Variants in ASTN1 observed in about 807,000 individuals in gnomAD.
ASTN1 encodes astrotactin-1.
A neutral mutation model predicts 140.7 loss-of-function variants in ASTN1; 41 were observed. The observed-to-expected ratio is 0.29, with a 90% CI of 0.23 to 0.38. The LOEUF (loss-of-function observed/expected upper bound fraction) is 0.38. Among genes scored for constraint, ASTN1 ranks in the 10% least tolerant of loss-of-function variants. ASTN1 has a pLI of 1.00. For missense variants in ASTN1, 1,479 were observed against 1,678.8 expected (o/e 0.88, Z 2.08); for synonymous variants, 640 against 652.2 (o/e 0.98, Z 0.29).
chr1:177,011,750 C>T (rs775651446), intron 8 of ASTN1, among the ~76,000 whole-genome samples: 1 of 151,964 alleles, frequency 6.6e-6, no homozygotes, highest in African/African-American at 2.4e-5. Context: ...CACAAACACA[C>T]ACACATGCAC....
chr1:177,052,110 A>C (rs1399405146), intron 2 of ASTN1, among the ~76,000 whole-genome samples: 1 of 152,188 alleles, frequency 6.6e-6, no homozygotes, highest in Non-Finnish European at 1.5e-5. Flanking sequence ...CTGAATGGAC[A>C]TGACTGCATC....
At chr1:176,980,574 G>A (rs1164991330) in intron 8 of ASTN1, among the ~76,000 whole-genome samples, 1 of 152,066 alleles carries the variant, frequency 6.6e-6, no homozygotes, top group African/African-American at 2.4e-5. Flanking sequence ...AAAGGGACAG[G>A]GATTTCGAGG....
chr1:176,896,385 C>T (rs988600912), intron 16 of ASTN1, among the ~76,000 whole-genome samples: 10 of 152,144 alleles, frequency 6.6e-5, no homozygotes, highest in Non-Finnish European at 1.3e-4. Flanking sequence ...ATAGAACTAG[C>T]CCTCAAATCA....
chr1:177,158,754 G>A (rs1028563662), intron 1 of ASTN1, among the ~76,000 whole-genome samples: 14 of 151,310 alleles, frequency 9.3e-5, no homozygotes, highest in African/African-American at 3.4e-4. Context: ...TGCTTCCTAA[G>A]ATGAATAAAG....
chr1:176,893,589 G>C (rs902424960), intron 17 of ASTN1, among the ~76,000 whole-genome samples: 11 of 152,116 alleles, frequency 7.2e-5, no homozygotes, highest in Non-Finnish European at 1.5e-4. Context: ...TGTTGGTCTG[G>C]GCATTACCTA....
At chr1:176,968,703 A>G (rs1672998961) in intron 8 of ASTN1, among the ~76,000 whole-genome samples, 2 of 152,218 alleles carry the variant, frequency 1.3e-5, no homozygotes, top group African/African-American at 4.8e-5. Flanking sequence ...TATTTAGCAA[A>G]TATTTGTGGA....
At chr1:177,042,717 A>G (rs1256236085) in intron 2 of ASTN1, among the ~76,000 whole-genome samples, 1 of 152,258 alleles carries the variant, frequency 6.6e-6, no homozygotes, top group Non-Finnish European at 1.5e-5. Flanking sequence ...ATCCAAGTTT[A>G]CATAGTAGTA....
chr1:176,925,057 C>T (rs1670896795), intron 16 of ASTN1, among the ~76,000 whole-genome samples: 1 of 152,188 alleles, frequency 6.6e-6, no homozygotes, highest in Non-Finnish European at 1.5e-5. Context: ...CCAATTCCTT[C>T]CAGTGCCTGA....
At chr1:176,998,765 C>T (rs928967526) in intron 8 of ASTN1, among the ~76,000 whole-genome samples, 1 of 152,204 alleles carries the variant, frequency 6.6e-6, no homozygotes, top group African/African-American at 2.4e-5. Context: ...GGCCTCTTGT[C>T]ACCCACAAAA....
At chr1:176,945,680 A>T (rs1671923649) in intron 13 of ASTN1, among the ~76,000 whole-genome samples, 2 of 152,226 alleles carry the variant, frequency 1.3e-5, no homozygotes, top group South Asian at 4.1e-4. Context: ...AAAATCTTCC[A>T]GTCCCTGCCT....
chr1:176,946,948 G>A (rs1399105421), intron 12 of ASTN1, among the ~76,000 whole-genome samples: 2 of 152,164 alleles, frequency 1.3e-5, no homozygotes, highest in Non-Finnish European at 2.9e-5. Context: ...AAAGAATATT[G>A]ATTTAATCTG....
intron 5 of ASTN1, among the ~76,000 whole-genome samples, chr1:177,026,625 C>T (rs951438457): frequency 1.3e-5 from 2 of 152,116 alleles, no homozygotes; most frequent in Admixed American, 1.3e-4. Flanking sequence ...ACATTCCCAC[C>T]GCAGTGTACA....
rs547719635 is a variant in ASTN1 at position 177,038,431 on chromosome 1, T to A, written c.472-5582A>T. ...TGGCATAAAGCAGATGGTCAATAAT[T>A]GTGGGACAGAGGAAGGAAGGGAGAG... is the stretch of plus-strand genomic sequence containing the variant. On this transcript the variant is annotated intron_variant, in intron 2 of 22. Transcript: ENST00000361833. 4.0e-5 allele frequency among the ~76,000 whole-genome samples: 6 copies of A among 151,488 alleles called. No individual in the cohort carries two copies. In the East Asian group the frequency reaches 1.2e-3, roughly 29 times the overall value.
chr1:177,006,112 C>T (rs1674980768), intron 8 of ASTN1, among the ~76,000 whole-genome samples: 1 of 152,102 alleles, frequency 6.6e-6, no homozygotes, highest in South Asian at 2.1e-4. Context: ...TGTCTTCTTT[C>T]CTCTAAAAAT....
Position 176,863,568 on chromosome 1 carries a change from T to C in ASTN1, c.*716A>G, listed in dbSNP as rs910407952. On this transcript the variant is annotated 3_prime_UTR_variant, in exon 23 of 23. Transcript: ENST00000361833. The stretch of plus-strand genomic sequence containing the variant: ...GCATCTTGTTCCCTCTCAAAGATCA[T>C]GTTGTTCAGAGGAAGGGACAGAGAT... 2.5e-5 allele frequency: 25 copies of C among 985,436 alleles called. No homozygotes were observed. The highest frequency in any genetic ancestry group is 3.0e-5 in the Non-Finnish European group (25 of 829,936). 61.0% of individuals were successfully genotyped at this position (985,436 alleles called of 1,614,324 possible).
rs574440706 is a variant in ASTN1 at position 176,990,331 on chromosome 1, C to T, written c.1523+24460G>A. Among the ~76,000 whole-genome samples the T allele has an allele frequency of 4.6e-5, 7 of 151,940 alleles. No individual in the cohort carries two copies. The East Asian group carries it at 1.4e-3, about 29-fold the overall frequency. ...GAAAATGCTGTCCTTGTAACTTTGG[C>T]AGGGACTTTTAGCTTTTGTTCTCTT... On this transcript the variant is annotated intron_variant, in intron 8 of 22. Coordinates refer to ENST00000361833, the MANE Select transcript of ASTN1 (RefSeq NM_004319.3).
At chr1:176,989,491 C>T (rs544090809) in intron 8 of ASTN1, among the ~76,000 whole-genome samples, 10 of 152,196 alleles carry the variant, frequency 6.6e-5, no homozygotes, top group Middle Eastern at 3.4e-3. Flanking sequence ...CTTTTGCATT[C>T]GTATCCCTAG....
chr1:177,016,519 G>A (rs550513249), intron 7 of ASTN1, among the ~76,000 whole-genome samples: 1 of 152,120 alleles, frequency 6.6e-6, no homozygotes, highest in Admixed American at 6.5e-5. Flanking sequence ...TGACGATAAG[G>A]TTTGTGGATG....
chr1:176,904,783 G>A (rs1669915352), intron 16 of ASTN1, among the ~76,000 whole-genome samples: 1 of 152,164 alleles, frequency 6.6e-6, no homozygotes, highest in African/African-American at 2.4e-5. Flanking sequence ...AATAGCCCAG[G>A]ACACGGCAAC....
Sources: allele counts gnomAD v4.1 joint callset (sites outside exome capture counted in the v4.1 genomes callset), GRCh38; gene constraint gnomAD v4.1.1; transcripts MANE v1.5; gene names NCBI Gene and HGNC (gene_info 2026-07-23, HGNC 2026-07-21).